The following OR2T27 variants were observed in gnomAD, a reference collection of about 807,000 sequenced individuals.
OR2T27 encodes olfactory receptor family 2 subfamily T member 27.
For synonymous variants in OR2T27, 51 were observed against 152.9 expected, an observed-to-expected ratio of 0.33 and a Z score of 4.92; for missense variants, 152 against 397.2, an observed-to-expected ratio of 0.38 and a Z score of 5.25.
Position 248,650,501 on chromosome 1 carries a change from G to A in OR2T27, c.384C>T (p.Asn128=). 4.5e-6 allele frequency: 7 copies of A among 1,539,562 alleles called. No individual in the cohort carries two copies. Among genetic ancestry groups the A allele is most frequent in the Non-Finnish European group, 6.2e-6 (7 of 1,127,610 alleles). The change falls in exon 2 of 2, where the codon AAC becomes AAT. Residue 128 remains asparagine (N), a synonymous_variant. Transcript: ENST00000460972. ...MSYDRYVAIC[N]PLHYPVLMSR... is the part of the protein sequence containing the mutation. Reference sequence around the variant, plus strand: ...TCATGAGGACAGGATAGTGCAGAGGGTTGCAGATGGCTACGTAGCGATCAT... The same window carrying A: ...TCATGAGGACAGGATAGTGCAGAGGATTGCAGATGGCTACGTAGCGATCAT...
At chr1:248,652,207 C>G (rs980124142) in intron 1 of OR2T27, among the ~76,000 whole-genome samples, 1 of 151,776 alleles carries the variant, frequency 6.6e-6, no homozygotes, top group African/African-American at 2.4e-5. Flanking sequence ...AATGGCTTTA[C>G]TTGTATATGC....
chr1:248,652,063 A>G (rs184195174), intron 1 of OR2T27, among the ~76,000 whole-genome samples: 995 of 151,900 alleles, frequency 6.6e-3, no homozygotes, highest in African/African-American at 0.022. Context: ...GATTTCTACT[A>G]GGCAGCACTG....
chr1:248,650,118 A>G lies in OR2T27; in HGVS notation c.767T>C (p.Met256Thr), dbSNP rs773346873. ...VVVSLFYGAA[M>T]YTYVLPHSYH... ...AGAATGAGGCAGCACGTATGTGTAC[A>G]TGGCAGCCCCATAGAAGAGGCTGAC... The change falls in exon 2 of 2, where the codon ATG (methionine) becomes ACG (threonine). Residue 256 changes from methionine (M) to threonine (T), a missense_variant. Met to Thr is a moderately conservative substitution (Grantham distance 81). Coordinates refer to ENST00000460972, the MANE Select transcript of OR2T27 (RefSeq NM_001001824.2). 4.5e-6 allele frequency: 7 copies of G among 1,569,136 alleles called. No individual in the cohort carries two copies. The highest frequency in any genetic ancestry group is 1.7e-4 in the Middle Eastern group (1 of 5,996).
rs895913182 is a variant in OR2T27, at chr1:248,649,920, A to G, written c.*11T>C. 5 of 1,493,034 alleles carry G rather than the reference A, an allele frequency of 3.3e-6. No homozygotes were observed. Among genetic ancestry groups the G allele is most frequent in the Admixed American group, 3.4e-5 (2 of 58,594 alleles). 92.5% of individuals were successfully genotyped at this position (1,493,034 alleles called of 1,614,324 possible). ...CTTCATTTCAAGTCTCTAGCAGCAT[A>G]TGAAATTTCTTTAGAAAGTGGTTAC... is the stretch of plus-strand genomic sequence containing the variant. On this transcript the variant is annotated 3_prime_UTR_variant, in exon 2 of 2. Coordinates refer to ENST00000460972, the MANE Select transcript of OR2T27 (RefSeq NM_001001824.2).
chr1:248,649,909 T>C lies in OR2T27; in HGVS notation c.*22A>G, dbSNP rs755917102. ...AGTCTTGTATCCTTCATTTCAAGTC[T>C]CTAGCAGCATATGAAATTTCTTTAG... is the stretch of plus-strand genomic sequence containing the variant. On this transcript the variant is annotated 3_prime_UTR_variant, in exon 2 of 2. Transcript: ENST00000460972. 6.9e-7 allele frequency: 1 copy of C among 1,456,242 alleles called. No homozygotes were observed. Among genetic ancestry groups the C allele is most frequent in the Non-Finnish European group, 9.6e-7 (1 of 1,046,330 alleles). The allele number at this position is 1,456,242 out of a possible 1,614,324, so 90.2% of individuals were successfully genotyped here.
intron 1 of OR2T27, among the ~76,000 whole-genome samples, chr1:248,652,963 T>C (rs1485803638): frequency 1.6e-5 from 2 of 124,198 alleles, no homozygotes; most frequent in Admixed American, 1.9e-4. Flanking sequence ...TTGTCCATAA[T>C]TTAATAAGAA....
At chr1:248,652,366 GAC>G (rs944362987) in intron 1 of OR2T27, among the ~76,000 whole-genome samples, 19 of 149,482 alleles carry the variant, frequency 1.3e-4, no homozygotes, top group African/African-American at 4.6e-4. Flanking sequence ...TTTAAACAGT[GAC>G]AGTGTAATTG....
intron 1 of OR2T27, among the ~76,000 whole-genome samples, chr1:248,652,913 T>C (rs1464799285): frequency 1.4e-5 from 2 of 146,880 alleles, no homozygotes; most frequent in Admixed American, 1.4e-4. Flanking sequence ...TTAGTAGCAA[T>C]TCGTATGATG....
At position 248,650,219 on chromosome 1, in the gene OR2T27, G is replaced by T. The variant is rs147639593; in HGVS notation, c.666C>A (p.Leu222=). The part of the protein sequence containing the change: ...SVISGSYTRI[L]ITVYRMSEAE... Reference sequence around the variant, plus strand: ...CCTCGCTCATCCTATAAACAGTAATGAGAATTCTTGTGTAAGAGCCCGAGA... The same window carrying T: ...CCTCGCTCATCCTATAAACAGTAATTAGAATTCTTGTGTAAGAGCCCGAGA... Residue 222 remains leucine, a synonymous_variant, in exon 2 of 2, where the codon CTC becomes CTA. Coordinates refer to ENST00000460972, the MANE Select transcript of OR2T27 (RefSeq NM_001001824.2). The T allele has an allele frequency of 9.7e-5, 141 of 1,460,020 alleles. 2 individuals carry two copies. The African/African-American group carries it at 1.5e-3, about 16-fold the overall frequency. 90.4% of individuals were successfully genotyped at this position (1,460,020 alleles called of 1,614,324 possible).
At chr1:248,653,137 T>C (rs76027841) in intron 1 of OR2T27, among the ~76,000 whole-genome samples, 98,880 of 130,342 alleles carry the variant, frequency 0.76, 40,202 homozygotes, top group Non-Finnish European at 0.91. Flanking sequence ...AGCTGTGTCC[T>C]GAACCCTGAC....
In OR2T27 at chr1:248,650,410, G is replaced by A. The variant is rs371120866; in HGVS notation, c.475C>T (p.Leu159Phe). ...GGGAACTGCATGGTGACGGGGGTGA[G>A]CAAGAAACCATCGATAGACCCTCCC... ...WLGGSIDGFLLTPVTMQFPFC... is the reference protein window; with the variant it reads ...WLGGSIDGFLFTPVTMQFPFC... Residue 159 changes from leucine to phenylalanine, a missense_variant, in exon 2 of 2, where the codon CTC becomes TTC. Physicochemically the swap from Leu to Phe is conservative, Grantham distance 22. Transcript: ENST00000460972. 119 of 1,396,584 alleles carry A rather than the reference G, an allele frequency of 8.5e-5. No individual in the cohort carries two copies. In the African/African-American group the frequency reaches 1.4e-3, roughly 17 times the overall value. The allele number at this position is 1,396,584 out of a possible 1,614,324, so 86.5% of individuals were successfully genotyped here.
intron 1 of OR2T27, among the ~76,000 whole-genome samples, chr1:248,651,906 A>G (rs1430901983): frequency 4.6e-5 from 4 of 87,842 alleles, no homozygotes; most frequent in Admixed American, 1.6e-4. Flanking sequence ...CACCTGTTAA[A>G]AATATATGCA....
chr1:248,652,337 C>T (rs1383238620), intron 1 of OR2T27, among the ~76,000 whole-genome samples: 1 of 150,306 alleles, frequency 6.7e-6, no homozygotes, highest in Non-Finnish European at 1.5e-5. Flanking sequence ...GGAAACTTCC[C>T]CAAGGAGGAA....
In OR2T27 at chr1:248,650,436, A is replaced by G; in HGVS notation, c.449T>C (p.Leu150Pro). Residue 150 changes from leucine to proline, a missense_variant, in exon 2 of 2, where the codon CTG becomes CCG. Physicochemically the swap from Leu to Pro is moderately conservative, Grantham distance 98. Transcript: ENST00000460972. ...ICWLIVAAAW[L>P]GGSIDGFLLT... ...CAAGAAACCATCGATAGACCCTCCC[A>G]GCCAGGCTGCCGCCACAATCAACCA... The G allele has an allele frequency of 6.5e-7, 1 of 1,548,564 alleles. No individual in the cohort carries two copies. Among genetic ancestry groups the G allele is most frequent in the Non-Finnish European group, 8.8e-7 (1 of 1,135,654 alleles).
chr1:248,651,933 CTT>C (rs1661024982), intron 1 of OR2T27, among the ~76,000 whole-genome samples: 1 of 60,148 alleles, frequency 1.7e-5, no homozygotes, highest in Non-Finnish European at 6.1e-5. Context: ...CTCCTTAAAA[CTT>C]TATATTATGG....
Position 248,650,304 on chromosome 1 carries a change from G to T in OR2T27, c.581C>A (p.Ala194Asp). The T allele has an allele frequency of 8.1e-7, 1 of 1,230,514 alleles. No homozygotes were observed. Among genetic ancestry groups the T allele is most frequent in the Non-Finnish European group, 1.2e-6 (1 of 855,788 alleles). 76.2% of individuals were successfully genotyped at this position (1,230,514 alleles called of 1,614,324 possible). Reference protein sequence around the residue: ...LLKLSCTDTSAYETAMYVCCI... With the variant: ...LLKLSCTDTSDYETAMYVCCI... Reference sequence around the variant, plus strand: ...GCAGACATACATGGCTGTCTCGTAGGCTGATGTGTCCGTGCAGGAGAGCTT... The same window carrying T: ...GCAGACATACATGGCTGTCTCGTAGTCTGATGTGTCCGTGCAGGAGAGCTT... Residue 194 changes from alanine (A) to aspartate (D), a missense_variant, in exon 2 of 2, where the codon GCC becomes GAC. By Grantham distance (126) the Ala-to-Asp change is moderately radical (BLOSUM62 -2). Transcript: ENST00000460972.
intron 1 of OR2T27, among the ~76,000 whole-genome samples, chr1:248,652,820 C>G (rs987014981): frequency 6.7e-6 from 1 of 149,844 alleles, no homozygotes; most frequent in African/African-American, 2.4e-5. Flanking sequence ...AGCTTTATGC[C>G]AGAGCTTTCC....
rs1345198544 is a variant in OR2T27 at position 248,653,691 on chromosome 1, C to T, written c.-5+1753G>A. Among the ~76,000 whole-genome samples the T allele has an allele frequency of 4.1e-4, 26 of 63,586 alleles. 1 individual carries two copies. The highest frequency in any genetic ancestry group is 2.0e-3 in the East Asian group (2 of 1,012). 41.7% of individuals were successfully genotyped at this position (63,586 alleles called of 152,430 possible). A position where few individuals can be genotyped will look rare whatever the true frequency, so the allele number is the denominator to read the frequency against. On this transcript the variant is annotated intron_variant, in intron 1 of 1. Transcript: ENST00000460972. ...TTGCCCCAGCATTTAGCACTAGTATCAAAACTCACAATATGGATTTGATTA... is the reference window on the plus strand; with the variant it reads ...TTGCCCCAGCATTTAGCACTAGTATTAAAACTCACAATATGGATTTGATTA...
rs574395084 is a variant in OR2T27 at position 248,653,498 on chromosome 1, C to T, written c.-5+1946G>A. 8.7e-5 allele frequency among the ~76,000 whole-genome samples: 10 copies of T among 115,594 alleles called. No individual in the cohort carries two copies. In the East Asian group the frequency reaches 2.6e-3, roughly 30 times the overall value. The allele number at this position is 115,594 out of a possible 152,430, so 75.8% of individuals were successfully genotyped here. A position where few individuals can be genotyped will look rare whatever the true frequency, so the allele number is the denominator to read the frequency against. ...AATATTGCTGTGATTGAATATGAGACACTCAGCTTGGTTCACATTCACGTT... is the reference window on the plus strand; with the variant it reads ...AATATTGCTGTGATTGAATATGAGATACTCAGCTTGGTTCACATTCACGTT... On this transcript the variant is annotated intron_variant, in intron 1 of 1. Transcript: ENST00000460972.
Sources: gnomAD v4.1 joint callset for allele counts (sites outside exome capture counted in the v4.1 genomes callset) on GRCh38, gnomAD v4.1.1 for gene constraint, MANE v1.5 for transcripts, NCBI Gene and HGNC (gene_info 2026-07-23, HGNC 2026-07-21) for gene names.